BCAP29: variants seen among roughly 807,000 people sequenced by gnomAD.
BCAP29 encodes B cell receptor associated protein 29.
Under a neutral mutation model 31.8 loss-of-function variants are expected in BCAP29, and 34 were observed. That is an observed-to-expected ratio of 1.07 (90% CI 0.81 to 1.42). BCAP29 has a LOEUF of 1.42. BCAP29 is among the 40% of genes most tolerant of loss of function. The pLI is 0.00. For missense variants in BCAP29, 314 were observed against 269.2 expected, an observed-to-expected ratio of 1.17 and a Z score of -1.16; for synonymous variants, 104 against 91.3, an observed-to-expected ratio of 1.14 and a Z score of -0.79.
chr7:107,613,240 A>T (rs1019829994), intron 6 of BCAP29, 92 bp from the exon 7 acceptor site: 1 of 800,486 alleles, frequency 1.2e-6, no homozygotes, highest in African/African-American at 1.7e-5. Context: ...TTGAGTAAAG[A>T]CTATACAGGA....
chr7:107,621,706 C>T (rs148717090), downstream of BCAP29: 13 of 472,036 alleles, frequency 2.8e-5, no homozygotes, highest in East Asian at 2.1e-4. Context: ...GTGATGGAGC[C>T]GCAGCAAAGG....
intron 3 of BCAP29, among the ~76,000 whole-genome samples, chr7:107,589,688 T>C (rs1374208987): frequency 5.3e-5 from 8 of 152,218 alleles, no homozygotes; most frequent in Admixed American, 5.2e-4. Context: ...ACATAATCTT[T>C]GCAAGGGCAC....
At chr7:107,582,585 G>C (rs1433263791) in intron 2 of BCAP29, among the ~76,000 whole-genome samples, 2 of 152,126 alleles carry the variant, frequency 1.3e-5, no homozygotes, top group Non-Finnish European at 2.9e-5. Flanking sequence ...TCTCTGATCT[G>C]TTTCCCCATC....
chr7:107,587,126 G>A (rs960792047), intron 3 of BCAP29, among the ~76,000 whole-genome samples: 1 of 152,144 alleles, frequency 6.6e-6, no homozygotes, highest in Non-Finnish European at 1.5e-5. Flanking sequence ...TGTATTTTAG[G>A]TGCTGGTAAG....
chr7:107,615,383 A>T, intron 7 of BCAP29: 1 of 454,822 alleles, frequency 2.2e-6, no homozygotes, highest in Non-Finnish European at 4.4e-6. Context: ...CGGGCGGATC[A>T]TGGGAGATCA....
intron 3 of BCAP29, among the ~76,000 whole-genome samples, chr7:107,592,868 G>A (rs75793389): frequency 0.025 from 3,842 of 152,300 alleles, 172 homozygotes; most frequent in African/African-American, 0.087. Flanking sequence ...TATATGAAAT[G>A]TCTAGAACAG....
rs948170200 is a variant in BCAP29, at chr7:107,612,417, A to T, written c.590-915A>T. Among the ~76,000 whole-genome samples, 13 of 41,260 alleles carry T rather than the reference A, an allele frequency of 3.2e-4. 1 individual carries two copies. The highest frequency in any genetic ancestry group is 6.7e-4 in the Admixed American group (2 of 2,982). The allele number at this position is 41,260 out of a possible 152,430, so 27.1% of individuals were successfully genotyped here. ...TATATATATATATATATATATATAT[A>T]TATATATATATATATATATATATTT... On this transcript the variant is annotated intron_variant, in intron 6 of 7. Transcript: ENST00000005259.
intron 6 of BCAP29, among the ~76,000 whole-genome samples, chr7:107,612,487 G>A (rs1225511448): frequency 2.8e-5 from 4 of 143,582 alleles, no homozygotes; most frequent in African/African-American, 7.8e-5. Context: ...CATATGACTT[G>A]TAGCTCCTTG....
chr7:107,599,356 T>A (rs1477048195), intron 5 of BCAP29, among the ~76,000 whole-genome samples: 1 of 92,620 alleles, frequency 1.1e-5, no homozygotes, highest in African/African-American at 4.6e-5. Flanking sequence ...TATATATATA[T>A]AATTTTTTGT....
At chr7:107,612,346 T>C (rs1813264033) in intron 6 of BCAP29, among the ~76,000 whole-genome samples, 1 of 145,724 alleles carries the variant, frequency 6.9e-6, no homozygotes, top group African/African-American at 2.5e-5. Flanking sequence ...TGTACAGCTC[T>C]TCTACATATT....
chr7:107,613,181 T>A, intron 6 of BCAP29, 151 bp from the exon 7 acceptor site: 1 of 581,106 alleles, frequency 1.7e-6, no homozygotes, highest in East Asian at 2.8e-5. Context: ...ATAGTGTGTG[T>A]GAAGAGAGAG....
intron 3 of BCAP29, among the ~76,000 whole-genome samples, chr7:107,589,672 T>C (rs1171232712): frequency 6.6e-6 from 1 of 152,212 alleles, no homozygotes; most frequent in African/African-American, 2.4e-5. Flanking sequence ...TGGGGACCCC[T>C]GCTGTACATA....
In BCAP29 at chr7:107,619,058, A is replaced by G. The variant is rs1814667624; in HGVS notation, c.*695A>G. The G allele has an allele frequency of 2.0e-5, 3 of 152,982 alleles. No individual in the cohort carries two copies. The highest frequency in any genetic ancestry group is 4.1e-4 in the South Asian group (2 of 4,866). The allele number at this position is 152,982 out of a possible 1,614,324, so 9.5% of individuals were successfully genotyped here. On this transcript the variant is annotated 3_prime_UTR_variant, in exon 8 of 8. Transcript: ENST00000005259. Reference sequence around the variant, plus strand: ...AAGTTAATCTAGTAATAGAGCTTACATATATTTGTATAACTGCTATACCAC... The same window carrying G: ...AAGTTAATCTAGTAATAGAGCTTACGTATATTTGTATAACTGCTATACCAC...
chr7:107,596,346 A>G (rs1049196609), intron 5 of BCAP29, among the ~76,000 whole-genome samples: 3 of 152,214 alleles, frequency 2.0e-5, no homozygotes, highest in African/African-American at 7.2e-5. Context: ...GCAAGTCTTT[A>G]TAACTGTTTC....
At chr7:107,612,389 TTTTATATATATATATATATA>T (rs1223503993) in intron 6 of BCAP29, among the ~76,000 whole-genome samples, 3 of 86,196 alleles carry the variant, frequency 3.5e-5, no homozygotes, top group Admixed American at 1.5e-4. Context: ...CAATGTATTG[TTTTATATATATATATATATA>T]TATATATATA....
intron 3 of BCAP29, among the ~76,000 whole-genome samples, chr7:107,585,748 G>A (rs921372312): frequency 4.6e-5 from 7 of 152,116 alleles, no homozygotes; most frequent in African/African-American, 9.7e-5. Flanking sequence ...TCAGCACTTC[G>A]AAAGACCAAG....
intron 3 of BCAP29, among the ~76,000 whole-genome samples, chr7:107,588,488 A>T (rs2129221168): frequency 6.6e-6 from 1 of 152,304 alleles, no homozygotes; most frequent in Middle Eastern, 3.4e-3. Context: ...GTTGTATTAG[A>T]CTATTTCTCC....
At chr7:107,614,565 G>A (rs567238813) in intron 7 of BCAP29, among the ~76,000 whole-genome samples, 289 of 152,218 alleles carry the variant, frequency 1.9e-3, no homozygotes, top group Non-Finnish European at 3.6e-3. Flanking sequence ...TACTTCCTCT[G>A]TAGGAATTTT....
chr7:107,596,883 T>G (rs1010366241), intron 5 of BCAP29, among the ~76,000 whole-genome samples: 6 of 152,230 alleles, frequency 3.9e-5, no homozygotes, highest in Admixed American at 2.6e-4. Flanking sequence ...GCAAGGAAAC[T>G]TATGTCATGA....
Sources: gnomAD v4.1 joint callset for allele counts (sites outside exome capture counted in the v4.1 genomes callset) on GRCh38, gnomAD v4.1.1 for gene constraint, MANE v1.5 for transcripts, NCBI Gene and HGNC (gene_info 2026-07-23, HGNC 2026-07-21) for gene names.